GATAD2B: variants seen among roughly 807,000 people sequenced by gnomAD.
GATAD2B encodes the protein GATA zinc finger domain containing 2B, also known as transcriptional repressor p66-beta.
A neutral mutation model predicts 64.3 loss-of-function variants in GATAD2B; 8 were observed. The ratio of observed to expected loss-of-function variants is 0.12; its 90% confidence interval spans 0.07 to 0.22. The LOEUF (loss-of-function observed/expected upper bound fraction) is 0.22, where lower values mean the gene tolerates loss of function less well. Ranked by LOEUF, GATAD2B falls within the 10% of genes least tolerant of loss-of-function variation. The pLI is 1.00. For missense variants in GATAD2B, 453 were observed against 752.0 expected (o/e 0.60, Z 4.65); for synonymous variants, 281 against 271.3 (o/e 1.04, Z -0.35).
chr1:153,818,653 A>C, intron 4 of GATAD2B, 138 bp downstream of exon 4: 1 of 712,740 alleles, frequency 1.4e-6, no homozygotes, highest in Non-Finnish European at 2.3e-6. Flanking sequence ...TTAAAAAAAA[A>C]ATCACTACTA....
rs1674300185 is a variant in GATAD2B, at chr1:153,811,780, A to G, written c.1599T>C (p.Phe533=). The change falls in exon 10 of 11, where the codon TTT becomes TTC. Residue 533 remains phenylalanine, a synonymous_variant. Coordinates refer to ENST00000368655, the MANE Select transcript of GATAD2B (RefSeq NM_020699.4). ...PTSARSMLSN[F]AQAPQLSVPG... is the part of the protein sequence containing the mutation. ...GCACAGACAACTGGGGTGCCTGTGC[A>G]AAGTTTGAAAGCATGGAGCGGGCAG... 1 of 1,612,746 alleles carries G rather than the reference A, an allele frequency of 6.2e-7. No homozygotes were observed.
chr1:153,833,811 CAAAA>C (rs71093292), intron 1 of GATAD2B, among the ~76,000 whole-genome samples: 3 of 61,894 alleles, frequency 4.8e-5, no homozygotes, highest in Admixed American at 2.2e-4. Flanking sequence ...ACTCAGTCTC[CAAAA>C]AAAAAAAAAA....
intron 1 of GATAD2B, among the ~76,000 whole-genome samples, chr1:153,908,508 C>T (rs1265110243): frequency 6.7e-6 from 1 of 149,788 alleles, no homozygotes; most frequent in Non-Finnish European, 1.5e-5. Flanking sequence ...GACGGAGTTT[C>T]GCTCGTTGCC....
At chr1:153,890,580 C>T (rs1200688983) in intron 1 of GATAD2B, 2 of 151,888 alleles carry the variant, frequency 1.3e-5, no homozygotes, top group African/African-American at 2.4e-5. Flanking sequence ...CATCCTGAAC[C>T]TAAGACAGAA....
At chr1:153,840,022 CTTTCTTTTT>C (rs1451898342) in intron 1 of GATAD2B, among the ~76,000 whole-genome samples, 1 of 142,372 alleles carries the variant, frequency 7.0e-6, no homozygotes, top group Non-Finnish European at 1.5e-5. Context: ...AATGAAAATA[CTTTCTTTTT>C]TTTTTTTTTT....
chr1:153,898,633 A>G (rs1471159339), intron 1 of GATAD2B, among the ~76,000 whole-genome samples: 1 of 152,202 alleles, frequency 6.6e-6, no homozygotes, highest in Non-Finnish European at 1.5e-5. Flanking sequence ...CAGGAGGCTG[A>G]GGCACCAACA....
At chr1:153,822,457 C>T (rs1218340842) in intron 2 of GATAD2B, among the ~76,000 whole-genome samples, 1 of 152,038 alleles carries the variant, frequency 6.6e-6, no homozygotes, top group African/African-American at 2.4e-5. Flanking sequence ...TTATTTTATT[C>T]CCAGATATAA....
intron 1 of GATAD2B, among the ~76,000 whole-genome samples, chr1:153,883,977 G>A (rs565704499): frequency 3.3e-5 from 5 of 151,974 alleles, no homozygotes; most frequent in Admixed American, 1.3e-4. Flanking sequence ...GTACTTAATT[G>A]TGTGAGGTGA....
intron 1 of GATAD2B, among the ~76,000 whole-genome samples, chr1:153,849,420 GACAA>G (rs1675809564): frequency 6.6e-6 from 1 of 152,122 alleles, no homozygotes; most frequent in East Asian, 1.9e-4. Context: ...ATTTTGGAGG[GACAA>G]ACATTCACAA....
At position 153,900,736 on chromosome 1, in the gene GATAD2B, A is replaced by AAAT. The variant is rs1435255927; in HGVS notation, c.-2+21996_-2+21997insATT. Among the ~76,000 whole-genome samples the AAAT allele has an allele frequency of 3.9e-5, 6 of 152,250 alleles. No homozygotes were observed. The East Asian group carries it at 1.2e-3, about 29-fold the overall frequency. ...AAATATTTTAGGTTTTGGAGGCCTTAACATCTTTGTTGTGACTAGTAACTC... is the reference window on the plus strand; with the variant it reads ...AAATATTTTAGGTTTTGGAGGCCTTAAATACATCTTTGTTGTGACTAGTAACTC... On this transcript the variant is annotated intron_variant, in intron 1 of 10. Coordinates refer to ENST00000368655, the MANE Select transcript of GATAD2B (RefSeq NM_020699.4).
intron 1 of GATAD2B, among the ~76,000 whole-genome samples, chr1:153,843,814 CAAAAAAA>C (rs71584146): frequency 6.6e-5 from 8 of 120,546 alleles, no homozygotes; most frequent in Admixed American, 4.3e-4. Context: ...CCACCACCAC[CAAAAAAA>C]AAAAAAAAAA....
At chr1:153,893,150 G>A (rs1256229997) in intron 1 of GATAD2B, among the ~76,000 whole-genome samples, 8 of 152,072 alleles carry the variant, frequency 5.3e-5, no homozygotes, top group Non-Finnish European at 1.2e-4. Context: ...GCTGAGATTT[G>A]CCCATTAGCA....
rs1471888825 is a variant in GATAD2B, at chr1:153,870,906, A to G, written c.-1-42558T>C. 3.9e-5 allele frequency among the ~76,000 whole-genome samples: 6 copies of G among 152,176 alleles called. No individual in the cohort carries two copies. The East Asian group carries it at 1.2e-3, about 29-fold the overall frequency. Reference sequence around the variant, plus strand: ...ACCCATTATTTCATACTGATACTAGAGAGAGGTTTTTTTTGTTTTTCCCCA... The same window carrying G: ...ACCCATTATTTCATACTGATACTAGGGAGAGGTTTTTTTTGTTTTTCCCCA... On this transcript the variant is annotated intron_variant, in intron 1 of 10. Coordinates refer to ENST00000368655, the MANE Select transcript of GATAD2B (RefSeq NM_020699.4).
intron 1 of GATAD2B, chr1:153,852,568 G>A (rs1675939226): frequency 7.8e-6 from 6 of 772,658 alleles, no homozygotes; most frequent in South Asian, 5.4e-5. Flanking sequence ...GAGAGCTAGA[G>A]CTTATCCTGA....
intron 2 of GATAD2B, among the ~76,000 whole-genome samples, chr1:153,825,196 A>G (rs557442242): frequency 1.3e-5 from 2 of 152,354 alleles, no homozygotes; most frequent in South Asian, 2.1e-4. Flanking sequence ...ATGAAGTGGG[A>G]TAAGTTACTT....
At chr1:153,899,900 G>T (rs563860241) in intron 1 of GATAD2B, among the ~76,000 whole-genome samples, 33 of 152,074 alleles carry the variant, frequency 2.2e-4, no homozygotes, top group Non-Finnish European at 4.3e-4. Flanking sequence ...TACACTTCTA[G>T]AACTTTTACC....
intron 1 of GATAD2B, among the ~76,000 whole-genome samples, chr1:153,830,249 G>A (rs1178729797): frequency 1.3e-5 from 2 of 152,002 alleles, no homozygotes; most frequent in East Asian, 2.0e-4. Flanking sequence ...CAGGTTCAAA[G>A]CAATTCTCCT....
Position 153,828,274 on chromosome 1 carries a change from T to C in GATAD2B, c.74A>G (p.Asp25Gly), listed in dbSNP as rs113074500. 6.2e-7 allele frequency: 1 copy of C among 1,613,874 alleles called. No homozygotes were observed. Among genetic ancestry groups the C allele is most frequent in the Admixed American group, 1.7e-5 (1 of 59,998 alleles). The change falls in exon 2 of 11, where the codon GAT (aspartate) becomes GGT (glycine). Residue 25 changes from aspartate to glycine, a missense_variant. Physicochemically the swap from Asp to Gly is moderately conservative, Grantham distance 94 (BLOSUM62 -1). This residue lies in a region of GATAD2B where 293 missense variants were observed against 417.2 expected (regional missense o/e 0.70). Coordinates refer to ENST00000368655, the MANE Select transcript of GATAD2B (RefSeq NM_020699.4). ...KRSLDPADER[D>G]DVLAKRLKME... Reference sequence around the variant, plus strand: ...TTTGAGTCGCTTTGCCAGGACATCATCTCGCTCATCTGCTGGGTCCAAGCT... The same window carrying C: ...TTTGAGTCGCTTTGCCAGGACATCACCTCGCTCATCTGCTGGGTCCAAGCT...
chr1:153,879,754 A>G (rs918189508), intron 1 of GATAD2B, among the ~76,000 whole-genome samples: 8 of 127,870 alleles, frequency 6.3e-5, no homozygotes, highest in Admixed American at 5.3e-4. Context: ...AGAGCGAGAC[A>G]CTGTCTACAA....
Sources: allele counts gnomAD v4.1 joint callset (sites outside exome capture counted in the v4.1 genomes callset), GRCh38; gene constraint gnomAD v4.1.1; regional missense constraint gnomAD v4.1.1; transcripts MANE v1.5; gene names NCBI Gene and HGNC (gene_info 2026-07-23, HGNC 2026-07-21).